Variants in GRID2IP observed in about 807,000 individuals in gnomAD.
GRID2IP encodes delphilin.
A neutral mutation model predicts 114.3 loss-of-function variants in GRID2IP; 78 were observed. The ratio of observed to expected loss-of-function variants is 0.68; its 90% CI spans 0.57 to 0.82. GRID2IP has a LOEUF of 0.82. GRID2IP is among the 40% of genes least tolerant of loss of function. GRID2IP has a pLI of 0.00. For missense variants in GRID2IP, 1,727 were observed against 1,678.5 expected (o/e 1.03, Z -0.51); for synonymous variants, 809 against 724.0 (o/e 1.12, Z -1.89).
Position 6,501,399 on chromosome 7 carries a change from T to C in GRID2IP, c.3399+382A>G, listed in dbSNP as rs376569256. ...ACAAACAAATAAATAAATAAATAAA[T>C]AAATTTATAATCCAGGATGGGACCT... On this transcript the variant is annotated intron_variant, in intron 20 of 21. Transcript: ENST00000457091. 4.0e-5 allele frequency among the ~76,000 whole-genome samples: 6 copies of C among 151,802 alleles called. No homozygotes were observed. In the East Asian group the frequency reaches 5.8e-4, roughly 15 times the overall value.
rs1401789378 is a variant in GRID2IP at position 6,521,534 on chromosome 7, G to A, written c.990-11C>T. ...TCGTGGGAGCAGTTCCTGCCAAGCA[G>A]AGATGGCCCAGGAGGGCCTGACTGG... On this transcript the variant is annotated splice_polypyrimidine_tract_variant and intron_variant, in intron 5 of 21. Transcript: ENST00000457091. The surrounding 1 kb of genome is among the most constrained non-coding windows in gnomAD (Gnocchi z 4.1). 1 of 1,536,572 alleles carries A rather than the reference G, an allele frequency of 6.5e-7. No individual in the cohort carries two copies. Among genetic ancestry groups the A allele is most frequent in the African/African-American group, 1.4e-5 (1 of 72,782 alleles).
At chr7:6,545,651 C>A (rs1779877180) in intron 1 of GRID2IP, among the ~76,000 whole-genome samples, 1 of 152,244 alleles carries the variant, frequency 6.6e-6, no homozygotes, top group Non-Finnish European at 1.5e-5. Flanking sequence ...AACCGTCTGT[C>A]TCCCCCACCC....
chr7:6,531,432 C>T (rs1779620844), intron 2 of GRID2IP, among the ~76,000 whole-genome samples: 1 of 152,244 alleles, frequency 6.6e-6, no homozygotes. Flanking sequence ...CCAGCTACTG[C>T]GCCCCGGACC....
intron 1 of GRID2IP, among the ~76,000 whole-genome samples, chr7:6,542,306 C>CAAAAAAAAAA (rs56154707): frequency 1.1e-5 from 1 of 95,170 alleles, no homozygotes; most frequent in Non-Finnish European, 2.0e-5. Flanking sequence ...AACTCCATCT[C>CAAAAAAAAAA]AAAAAAAAAA....
In GRID2IP at chr7:6,532,369, C is replaced by T. The variant is rs1247211992; in HGVS notation, c.585-5600G>A. Among the ~76,000 whole-genome samples the T allele has an allele frequency of 5.9e-5, 9 of 152,130 alleles. No individual in the cohort carries two copies. The highest frequency in any genetic ancestry group is 1.7e-4 in the African/African-American group (7 of 41,424). The stretch of plus-strand genomic sequence containing the variant: ...CCGGGGACTTTCCCTCTGTCTCACT[C>T]AGAGGGACAGCTCCCATGGGGCAGC... On this transcript the variant is annotated intron_variant, in intron 2 of 21. Coordinates refer to ENST00000457091, the MANE Select transcript of GRID2IP (RefSeq NM_001145118.2). This position sits in a 1 kb window ranked among gnomAD's most constrained non-coding sequence, Gnocchi z 4.4.
At chr7:6,522,057 G>A in intron 4 of GRID2IP, 100 bp from the exon 5 acceptor site, 1 of 958,858 alleles carries the variant, frequency 1.0e-6, no homozygotes. Context: ...GAGACTCAGA[G>A]ACCCATAGCT....
chr7:6,513,347 C>A (rs1231571900), intron 8 of GRID2IP, among the ~76,000 whole-genome samples: 1 of 151,020 alleles, frequency 6.6e-6, no homozygotes, highest in African/African-American at 2.4e-5. Context: ...CCTAAGTAGC[C>A]GGGACTACAG....
chr7:6,499,362 A>G (rs925556290), intron 20 of GRID2IP, among the ~76,000 whole-genome samples: 8 of 152,188 alleles, frequency 5.3e-5, no homozygotes, highest in East Asian at 1.9e-4. Context: ...TAAGGAAATG[A>G]GCCAGGATTT....
rs1244630782 is a variant in GRID2IP, at chr7:6,546,930, C to A, written c.429+4078G>T. On this transcript the variant is annotated intron_variant, in intron 1 of 21. Coordinates refer to ENST00000457091, the MANE Select transcript of GRID2IP (RefSeq NM_001145118.2). ...TGATCTGGGATTGTAGCAGGCATTA[C>A]TCGCACTCACCAATATTTCTAGGTC... Among the ~76,000 whole-genome samples the A allele has an allele frequency of 3.3e-5, 5 of 152,138 alleles. No homozygotes were observed. The South Asian group carries it at 1.0e-3, about 31-fold the overall frequency.
At position 6,533,675 on chromosome 7, in the gene GRID2IP, T is replaced by TA. The variant is rs1288793088; in HGVS notation, c.584+6042_584+6043insT. 2.5e-3 allele frequency among the ~76,000 whole-genome samples: 259 copies of TA among 102,268 alleles called. 2 individuals carry two copies. The highest frequency in any genetic ancestry group is 0.011 in the African/African-American group (242 of 22,886). The allele number at this position is 102,268 out of a possible 152,430, so 67.1% of individuals were successfully genotyped here. On this transcript the variant is annotated intron_variant, in intron 2 of 21. Coordinates refer to ENST00000457091, the MANE Select transcript of GRID2IP (RefSeq NM_001145118.2). ...CACTGCCCCCAGCTCATTTTTAAAC[T>TA]TTTTTTTTTTTTTTTTTAAGAGATG...
chr7:6,512,247 T>C (rs1779188051), intron 8 of GRID2IP, among the ~76,000 whole-genome samples: 1 of 144,824 alleles, frequency 6.9e-6, no homozygotes, highest in South Asian at 2.2e-4. Flanking sequence ...TTTTTTTTTT[T>C]TTGTGACAGG....
intron 8 of GRID2IP, 125 bp from the exon 9 acceptor site, chr7:6,511,164 C>T (rs1779143949): frequency 2.5e-6 from 3 of 1,221,638 alleles, no homozygotes; most frequent in Non-Finnish European, 3.1e-6. Flanking sequence ...ACGGGGCCTG[C>T]CCTGCTTGCC....
At position 6,510,953 on chromosome 7, in the gene GRID2IP, G is replaced by A. The variant is rs61732374; in HGVS notation, c.1510C>T (p.Arg504Cys). 21,910 of 1,548,362 alleles carry A rather than the reference G, an allele frequency of 0.014. 178 individuals carry two copies. Among genetic ancestry groups the A allele is most frequent in the Non-Finnish European group, 0.017 (19,116 of 1,145,396 alleles). ...RSSLRASSMC[R>C]RSLRSQGLEA... ...AGGCCCTGGGACCGGAGGCTGCGGCGGCACATGGAGGAAGCCCGCAGGGAG... is the reference window on the plus strand; with the variant it reads ...AGGCCCTGGGACCGGAGGCTGCGGCAGCACATGGAGGAAGCCCGCAGGGAG... The change falls in exon 9 of 22, where the codon CGC becomes TGC. Residue 504 changes from arginine to cysteine, a missense_variant. Arg to Cys is a radical substitution (Grantham distance 180). Coordinates refer to ENST00000457091, the MANE Select transcript of GRID2IP (RefSeq NM_001145118.2).
At chr7:6,512,152 G>C (rs950868488) in intron 8 of GRID2IP, among the ~76,000 whole-genome samples, 2 of 150,398 alleles carry the variant, frequency 1.3e-5, no homozygotes, top group Non-Finnish European at 3.0e-5. Context: ...CCTAACCTCA[G>C]GTGATCCACC....
intron 2 of GRID2IP, among the ~76,000 whole-genome samples, chr7:6,529,963 T>C (rs377431388): frequency 2.3e-4 from 26 of 113,796 alleles, no homozygotes; most frequent in South Asian, 5.3e-4. Flanking sequence ...CTCTCTCTCT[T>C]TTTTTTTTTT....
At position 6,501,827 on chromosome 7, in the gene GRID2IP, T is replaced by C. The variant is rs1438629384; in HGVS notation, c.3353A>G (p.Gln1118Arg). The C allele has an allele frequency of 1.9e-6, 3 of 1,551,552 alleles. No individual in the cohort carries two copies. Residue 1118 changes from glutamine to arginine, a missense_variant, in exon 20 of 22, where the codon CAG becomes CGG. Gln to Arg is a conservative substitution (Grantham distance 43). Transcript: ENST00000457091. ...GTISEIQDACQSISPSSEDKF... is the reference protein window; with the variant it reads ...GTISEIQDACRSISPSSEDKF... ...GTCCTCGCTAGAGGGGGAAATGCTC[T>C]GGCAGGCATCCTGTATCTCGCTGAT...
At chr7:6,525,322 A>G (rs1046742733) in intron 4 of GRID2IP, among the ~76,000 whole-genome samples, 7 of 151,892 alleles carry the variant, frequency 4.6e-5, no homozygotes, top group East Asian at 2.0e-4. Context: ...AATTAAATTA[A>G]ATAAAATTTT....
chr7:6,529,519 G>A (rs148258570), intron 2 of GRID2IP, among the ~76,000 whole-genome samples: 5,634 of 152,336 alleles, frequency 0.037, 185 homozygotes, highest in Admixed American at 0.12. Context: ...ATGGAAGAAG[G>A]TTGGGCAGCC....
intron 2 of GRID2IP, among the ~76,000 whole-genome samples, chr7:6,529,958 T>G (rs1583348551): frequency 9.7e-6 from 1 of 103,232 alleles, no homozygotes; most frequent in Admixed American, 1.0e-4. Context: ...TCTCTCTCTC[T>G]CTCTTTTTTT....
Sources: allele counts gnomAD v4.1 joint callset (sites outside exome capture counted in the v4.1 genomes callset), GRCh38; gene constraint gnomAD v4.1.1; non-coding constraint Gnocchi (gnomAD v3.1); transcripts MANE v1.5; gene names NCBI Gene and HGNC (gene_info 2026-07-23, HGNC 2026-07-21).